The following FAM193A variants were observed in gnomAD, a reference collection of about 807,000 sequenced individuals.
FAM193A encodes the protein family with sequence similarity 193 member A, also known as protein FAM193A.
FAM193A carries 22 observed loss-of-function variants against 126.5 expected under a neutral mutation model. The ratio of observed to expected loss-of-function variants is 0.17; its 90% CI spans 0.12 to 0.25. FAM193A has a LOEUF of 0.25. Among genes scored for constraint, FAM193A ranks in the 10% least tolerant of loss-of-function variants. The probability of loss-of-function intolerance (pLI) is 1.00; values close to 1 mark genes in which losing one functional copy is unlikely to be tolerated. For synonymous variants in FAM193A, 761 were observed against 646.8 expected (o/e 1.18, Z -2.68); for missense variants, 1,675 against 1,672.8 (o/e 1.00, Z -0.02).
chr4:2,602,105 C>T (rs1447082430), intron 2 of FAM193A, among the ~76,000 whole-genome samples: 1 of 152,090 alleles, frequency 6.6e-6, no homozygotes, highest in African/African-American at 2.4e-5. Flanking sequence ...TCCCAAAGTA[C>T]TGGGTTGACA....
intron 20 of FAM193A, among the ~76,000 whole-genome samples, chr4:2,728,113 T>C (rs909442125): frequency 2.0e-5 from 3 of 151,966 alleles, no homozygotes; most frequent in African/African-American, 7.2e-5. Context: ...GTATTTTTAG[T>C]AGAGGCAGGG....
At chr4:2,550,339 C>A (rs1183684813) in intron 1 of FAM193A, among the ~76,000 whole-genome samples, 2 of 152,052 alleles carry the variant, frequency 1.3e-5, no homozygotes, top group Admixed American at 1.3e-4. Flanking sequence ...AGCCACCACA[C>A]CCAGCCTAGA....
rs5855745 is a variant in FAM193A, at chr4:2,552,847, C to CTTTTT, written c.255+15693_255+15697dup. Reference sequence around the variant, plus strand: ...CCACCGCGCCCGGCCACAGAACTTTCTTTTTTTTTTTTTTTTTTTTGAGAC... The same window carrying CTTTTT: ...CCACCGCGCCCGGCCACAGAACTTTCTTTTTTTTTTTTTTTTTTTTTTTTTGAGAC... On this transcript the variant is annotated intron_variant, in intron 1 of 20. Coordinates refer to ENST00000637812, the MANE Select transcript of FAM193A (RefSeq NM_001366318.2). Among the ~76,000 whole-genome samples, 33 of 119,350 alleles carry CTTTTT rather than the reference C, an allele frequency of 2.8e-4. 1 individual carries two copies. Among genetic ancestry groups the CTTTTT allele is most frequent in the African/African-American group, 8.2e-4 (25 of 30,478 alleles). 78.3% of individuals were successfully genotyped at this position (119,350 alleles called of 152,430 possible).
At chr4:2,547,610 G>A (rs548376796) in intron 1 of FAM193A, among the ~76,000 whole-genome samples, 9 of 150,940 alleles carry the variant, frequency 6.0e-5, no homozygotes, top group Non-Finnish European at 1.2e-4. Context: ...GTGTCTGTGT[G>A]TGTGTGTGTG....
chr4:2,642,134 C>CAAAAA (rs35799531), intron 6 of FAM193A, among the ~76,000 whole-genome samples: 36 of 86,198 alleles, frequency 4.2e-4, no homozygotes, highest in African/African-American at 1.5e-3. Flanking sequence ...ACTAAAAATA[C>CAAAAA]AAAAAAAAAA....
At chr4:2,583,847 T>C (rs1577038589) in intron 1 of FAM193A, among the ~76,000 whole-genome samples, 1 of 152,202 alleles carries the variant, frequency 6.6e-6, no homozygotes, top group African/African-American at 2.4e-5. Context: ...GAAACAGTCA[T>C]GGATATGAAG....
chr4:2,592,091 T>C (rs559424885), intron 1 of FAM193A, among the ~76,000 whole-genome samples: 27 of 152,252 alleles, frequency 1.8e-4, no homozygotes, highest in African/African-American at 3.6e-4. Context: ...CTGGTACATA[T>C]ATATAATTTT....
intron 7 of FAM193A, among the ~76,000 whole-genome samples, chr4:2,649,305 T>C (rs1306716595): frequency 6.7e-6 from 1 of 149,748 alleles, no homozygotes; most frequent in Admixed American, 6.7e-5. Context: ...AGACCAAGAG[T>C]TAGAGGCTGC....
intron 1 of FAM193A, among the ~76,000 whole-genome samples, chr4:2,545,616 A>C (rs553896993): frequency 2.0e-5 from 3 of 152,256 alleles, no homozygotes; most frequent in Admixed American, 2.0e-4. Flanking sequence ...GTACTGCCTG[A>C]TAGTTTTCCT....
intron 1 of FAM193A, among the ~76,000 whole-genome samples, chr4:2,542,741 C>T (rs1737306182): frequency 6.6e-6 from 1 of 152,140 alleles, no homozygotes; most frequent in Non-Finnish European, 1.5e-5. Context: ...GCAGCCTCTA[C>T]ACTCCGTAGT....
chr4:2,585,765 A>G (rs1176138500), intron 1 of FAM193A, among the ~76,000 whole-genome samples: 1 of 152,062 alleles, frequency 6.6e-6, no homozygotes, highest in African/African-American at 2.4e-5. Context: ...CGTCTTTACT[A>G]AAAAATACAG....
chr4:2,700,540 A>G lies in FAM193A; in HGVS notation c.4368A>G (p.Ser1456=). Residue 1456 remains serine, a synonymous_variant, in exon 19 of 21, where the codon TCA becomes TCG. Transcript: ENST00000637812. ...KKKKGDRVNN[S]IDDVFLPKDI... ...AGAAAGGAGACAGAGTCAACAATTC[A>G]ATTGGTAAATACAGAATAGCGGGAA... The G allele has an allele frequency of 6.2e-7, 1 of 1,610,736 alleles. No homozygotes were observed. The highest frequency in any genetic ancestry group is 8.5e-7 in the Non-Finnish European group (1 of 1,178,956).
At chr4:2,698,891 C>G (rs1436226926) in intron 18 of FAM193A, among the ~76,000 whole-genome samples, 4 of 152,140 alleles carry the variant, frequency 2.6e-5, no homozygotes, top group Non-Finnish European at 5.9e-5. Flanking sequence ...ATATATGGCA[C>G]TTCTGTTTAT....
intron 20 of FAM193A, among the ~76,000 whole-genome samples, chr4:2,726,552 CT>C (rs531631659): frequency 2.7e-5 from 4 of 150,742 alleles, no homozygotes; most frequent in East Asian, 2.0e-4. Context: ...CCTGTGGCTT[CT>C]TTTTTTTTGG....
rs138102110 is a variant in FAM193A, at chr4:2,685,943, C to G, written c.2332-3563C>G. On this transcript the variant is annotated intron_variant, in intron 13 of 20. Coordinates refer to ENST00000637812, the MANE Select transcript of FAM193A (RefSeq NM_001366318.2). ...AGTGGATAAAAATGCAAAACTTCTGCTAGTTGAAGCTTTGTGGGTTTGTAT... is the reference window on the plus strand; with the variant it reads ...AGTGGATAAAAATGCAAAACTTCTGGTAGTTGAAGCTTTGTGGGTTTGTAT... Among the ~76,000 whole-genome samples the G allele has an allele frequency of 2.8e-3, 426 of 152,288 alleles. 1 individual carries two copies. Among genetic ancestry groups the G allele is most frequent in the African/African-American group, 7.8e-3 (322 of 41,544 alleles).
At chr4:2,669,087 C>T (rs973616394) in intron 12 of FAM193A, among the ~76,000 whole-genome samples, 1 of 152,124 alleles carries the variant, frequency 6.6e-6, no homozygotes, top group Non-Finnish European at 1.5e-5. Flanking sequence ...AGGTGACCTA[C>T]CCGCCTTGGC....
At chr4:2,667,584 G>C (rs578182030) in intron 12 of FAM193A, among the ~76,000 whole-genome samples, 1 of 152,048 alleles carries the variant, frequency 6.6e-6, no homozygotes, top group Non-Finnish European at 1.5e-5. Flanking sequence ...GTTTCTTAAC[G>C]TCCGTTTTAT....
chr4:2,585,213 C>G (rs568527689), intron 1 of FAM193A, among the ~76,000 whole-genome samples: 2 of 152,166 alleles, frequency 1.3e-5, no homozygotes, highest in African/African-American at 4.8e-5. Flanking sequence ...TTGGTGCATA[C>G]AGGACTTAAT....
At chr4:2,629,260 C>T (rs1411196688) in intron 4 of FAM193A, among the ~76,000 whole-genome samples, 3 of 150,378 alleles carry the variant, frequency 2.0e-5, no homozygotes, top group African/African-American at 7.3e-5. Flanking sequence ...GCTAAGAGAA[C>T]AGTGACGTGG....
Sources: gnomAD v4.1 joint callset for allele counts (sites outside exome capture counted in the v4.1 genomes callset) on GRCh38, gnomAD v4.1.1 for gene constraint, MANE v1.5 for transcripts, NCBI Gene and HGNC (gene_info 2026-07-23, HGNC 2026-07-21) for gene names.